The following PLIN3 variants were observed in gnomAD, a reference collection of about 807,000 sequenced individuals.
PLIN3 encodes the protein perilipin 3.
A neutral mutation model predicts 35.9 loss-of-function variants in PLIN3; 30 were observed. That is an observed-to-expected ratio of 0.84 (90% CI 0.62 to 1.13). PLIN3 has a LOEUF of 1.13. Ranked by LOEUF, PLIN3 falls within the 50% of genes most tolerant of loss-of-function variation. The probability of loss-of-function intolerance (pLI) is 0.00; values close to 1 mark genes in which losing one functional copy is unlikely to be tolerated. For missense variants in PLIN3, 603 were observed against 596.9 expected (o/e 1.01, Z -0.11); for synonymous variants, 261 against 262.5 (o/e 0.99, Z 0.06).
At position 4,845,112 on chromosome 19, in the gene PLIN3, T is replaced by C. The variant is rs140449259; in HGVS notation, c.835-319A>G. Among the ~76,000 whole-genome samples the C allele has an allele frequency of 3.2e-3, 486 of 152,234 alleles. 7 individuals carry two copies. The South Asian group carries it at 0.034, about 11-fold the overall frequency. On this transcript the variant is annotated intron_variant, in intron 6 of 7. Transcript: ENST00000221957. ...CTTTGGCCAATGGGACATGAGCAGATGGAACCAGCAAAGGCTTAAAAAGTG... is the reference window on the plus strand; with the variant it reads ...CTTTGGCCAATGGGACATGAGCAGACGGAACCAGCAAAGGCTTAAAAAGTG...
chr19:4,861,282 C>T (rs548082140), intron 2 of PLIN3, 47 bp downstream of exon 2: 24 of 1,548,814 alleles, frequency 1.5e-5, no homozygotes, highest in African/African-American at 9.5e-5. Flanking sequence ...CCTCCTTGCA[C>T]GGGAATCACA....
intron 6 of PLIN3, among the ~76,000 whole-genome samples, chr19:4,846,152 G>T (rs948321341): frequency 2.0e-5 from 3 of 151,840 alleles, no homozygotes; most frequent in Non-Finnish European, 4.4e-5. Flanking sequence ...CATGAACCCA[G>T]GAGGCGGAGC....
intron 6 of PLIN3, among the ~76,000 whole-genome samples, chr19:4,845,333 C>T (rs554849287): frequency 6.6e-6 from 1 of 151,618 alleles, no homozygotes; most frequent in African/African-American, 2.4e-5. Context: ...GGCTGAGGCA[C>T]GAGAATCGCT....
At chr19:4,855,465 C>A (rs540186096) in intron 4 of PLIN3, among the ~76,000 whole-genome samples, 1 of 152,142 alleles carries the variant, frequency 6.6e-6, no homozygotes, top group Non-Finnish European at 1.5e-5. Flanking sequence ...TCCATCCCCC[C>A]TCAGCCAAGC....
At position 4,855,940 on chromosome 19, in the gene PLIN3, A is replaced by AAAG. The variant is rs10650668; in HGVS notation, c.349-3640_349-3639insCTT. 3.9e-4 allele frequency among the ~76,000 whole-genome samples: 58 copies of AAAG among 148,218 alleles called. 1 individual carries two copies. The highest frequency in any genetic ancestry group is 3.5e-3 in the Middle Eastern group (1 of 288). On this transcript the variant is annotated intron_variant, in intron 4 of 7. Transcript: ENST00000221957. ...ACCTTGTCTCAAAAAAAAAAAAAAA[A>AAAG]TGCAAGTTGACAACCGCTCTGCTGT... is the stretch of plus-strand genomic sequence containing the variant.
In PLIN3 at chr19:4,862,948, G is replaced by A. The variant is rs965712607; in HGVS notation, c.-17-1537C>T. ...CCGAGGTGGGTGGAACACGAGGTCA[G>A]GAGTTCGAGTCCAGCCTGGCCAACA... On this transcript the variant is annotated intron_variant, in intron 1 of 7. Coordinates refer to ENST00000221957, the MANE Select transcript of PLIN3 (RefSeq NM_005817.5). 2.0e-5 allele frequency among the ~76,000 whole-genome samples: 3 copies of A among 151,784 alleles called. No homozygotes were observed. The South Asian group carries it at 6.3e-4, about 32-fold the overall frequency.
In PLIN3 at chr19:4,839,194, A is replaced by G. The variant is rs1275779451; in HGVS notation, c.1303T>C (p.Ter435GlnextTer31). 6.3e-7 allele frequency: 1 copy of G among 1,598,426 alleles called. No homozygotes were observed. Among genetic ancestry groups the G allele is most frequent in the South Asian group, 1.1e-5 (1 of 90,060 alleles). Residue 435 changes from the stop codon to glutamine, a stop_lost, in exon 8 of 8, where the codon TAG becomes CAG. Transcript: ENST00000221957. ...ITEKAPEEKK* is the reference protein window; with the variant it reads ...ITEKAPEEKKQ Reference sequence around the variant, plus strand: ...CCGCTGAGTCCTCTCCTCTCCCCCTACTTCTTCTCCTCCGGGGCTTTCTCA... The same window carrying G: ...CCGCTGAGTCCTCTCCTCTCCCCCTGCTTCTTCTCCTCCGGGGCTTTCTCA...
chr19:4,855,710 C>G (rs1336116403), intron 4 of PLIN3, among the ~76,000 whole-genome samples: 4 of 151,902 alleles, frequency 2.6e-5, no homozygotes, highest in Admixed American at 6.6e-5. Flanking sequence ...GCCTGGCTAG[C>G]CTGGGAGTTT....
chr19:4,852,174 T>C lies in PLIN3; in HGVS notation c.476A>G (p.Gln159Arg), dbSNP rs766798916. ...GGACTTTGTCTTGTCCACGCCGCTC[T>C]GCACAGCACCGCGGGTCGCGTCCAC... Reference protein sequence around the residue: ...EAVDATRGAVQSGVDKTKSVV... With the variant: ...EAVDATRGAVRSGVDKTKSVV... Residue 159 changes from glutamine (Q) to arginine (R), a missense_variant, in exon 5 of 8, where the codon CAG becomes CGG. By Grantham distance (43) the Gln-to-Arg change is conservative. Coordinates refer to ENST00000221957, the MANE Select transcript of PLIN3 (RefSeq NM_005817.5). 9 of 1,613,772 alleles carry C rather than the reference T, an allele frequency of 5.6e-6. No homozygotes were observed. In the East Asian group the frequency reaches 1.6e-4, roughly 28 times the overall value.
In PLIN3 at chr19:4,864,037, A is replaced by G. The variant is rs1599178087; in HGVS notation, c.-17-2626T>C. Among the ~76,000 whole-genome samples, 7 of 150,766 alleles carry G rather than the reference A, an allele frequency of 4.6e-5. No homozygotes were observed. In the South Asian group the frequency reaches 1.3e-3, roughly 27 times the overall value. ...AACCTCTGTCTCCTACGCTCAAGCAATTCTCCCACCTTGACCCTGCAAGTA... is the reference window on the plus strand; with the variant it reads ...AACCTCTGTCTCCTACGCTCAAGCAGTTCTCCCACCTTGACCCTGCAAGTA... On this transcript the variant is annotated intron_variant, in intron 1 of 7. Transcript: ENST00000221957.
In PLIN3 at chr19:4,861,359, G is replaced by C. The variant is rs138618022; in HGVS notation, c.36C>G (p.Thr12=). ...SADGAEADGS[T]QVTVEEPVQQ... ...GTACCGGTTCTTCCACTGTCACCTGGGTGCTGCCATCAGCCTCTGCCCCGT... is the reference window on the plus strand; with the variant it reads ...GTACCGGTTCTTCCACTGTCACCTGCGTGCTGCCATCAGCCTCTGCCCCGT... Residue 12 remains threonine, a synonymous_variant, in exon 2 of 8, where the codon ACC becomes ACG. Coordinates refer to ENST00000221957, the MANE Select transcript of PLIN3 (RefSeq NM_005817.5). 1.4e-4 allele frequency: 224 copies of C among 1,612,936 alleles called. No homozygotes were observed. Among genetic ancestry groups the C allele is most frequent in the Non-Finnish European group, 1.8e-4 (217 of 1,179,656 alleles).
At chr19:4,853,158 G>A (rs558213146) in intron 4 of PLIN3, among the ~76,000 whole-genome samples, 88 of 148,752 alleles carry the variant, frequency 5.9e-4, no homozygotes, top group Admixed American at 8.7e-4. Context: ...CTTTTGAGAT[G>A]GAGTCTCCCT....
chr19:4,854,222 T>C (rs2030397415), intron 4 of PLIN3, among the ~76,000 whole-genome samples: 2 of 152,038 alleles, frequency 1.3e-5, no homozygotes, highest in Admixed American at 6.6e-5. Flanking sequence ...CATGAGCCAC[T>C]GTGTCCAGCT....
rs749011669 is a variant in PLIN3 at position 4,852,316 on chromosome 19, A to G, written c.349-15T>C. 4.4e-6 allele frequency: 7 copies of G among 1,595,660 alleles called. No individual in the cohort carries two copies. The Admixed American group carries it at 1.2e-4, about 27-fold the overall frequency. ...TCCGCCAGGACCTAGGAGATGCAAC[A>G]GCATCAGCATCTCTGCCTTCCCTCC... is the stretch of plus-strand genomic sequence containing the variant. On this transcript the variant is annotated splice_polypyrimidine_tract_variant and intron_variant, in intron 4 of 7. Coordinates refer to ENST00000221957, the MANE Select transcript of PLIN3 (RefSeq NM_005817.5).
chr19:4,852,444 G>A lies in PLIN3; in HGVS notation c.349-143C>T, dbSNP rs1485184584. The stretch of plus-strand genomic sequence containing the variant: ...GCATCTCCGTCTTCCCTCTGTATGT[G>A]GGCACCCCTCCCCTGCACCCCAACT... On this transcript the variant is annotated intron_variant, in intron 4 of 7. Transcript: ENST00000221957. 9.0e-6 allele frequency: 9 copies of A among 1,003,278 alleles called. No homozygotes were observed. The South Asian group carries it at 1.3e-4, about 15-fold the overall frequency. The allele number at this position is 1,003,278 out of a possible 1,614,324, so 62.1% of individuals were successfully genotyped here. A position where few individuals can be genotyped will look rare whatever the true frequency, so the allele number is the denominator to read the frequency against.
Position 4,861,374 on chromosome 19 carries a change from C to T in PLIN3, c.21G>A (p.Glu7=). 2.5e-6 allele frequency: 4 copies of T among 1,613,184 alleles called. No individual in the cohort carries two copies. Among genetic ancestry groups the T allele is most frequent in the East Asian group, 2.2e-5 (1 of 44,844 alleles). The change falls in exon 2 of 8, where the codon GAG becomes GAA. Residue 7 remains glutamate, a synonymous_variant. Transcript: ENST00000221957. ...CTGTCACCTGGGTGCTGCCATCAGC[C>T]TCTGCCCCGTCGGCAGACATGGTCT... MSADGA[E]ADGSTQVTVE...
In PLIN3 at chr19:4,839,338, G is replaced by A. The variant is rs1357060319; in HGVS notation, c.1159C>T (p.Leu387=). 1 of 1,614,028 alleles carries A rather than the reference G, an allele frequency of 6.2e-7. No individual in the cohort carries two copies. The highest frequency in any genetic ancestry group is 1.6e-4 in the Middle Eastern group (1 of 6,062). ...HSFQDLSSSI[L]AQSRERVASA... The stretch of plus-strand genomic sequence containing the variant: ...GCGACACGCTCACGGCTCTGGGCCA[G>A]AATGCTGCTGGACAGGTCCTGGAAG... The change falls in exon 8 of 8, where the codon CTG becomes TTG. Residue 387 remains leucine, a synonymous_variant. Transcript: ENST00000221957.
intron 7 of PLIN3, among the ~76,000 whole-genome samples, chr19:4,840,716 C>T (rs757738312): frequency 6.6e-5 from 10 of 152,160 alleles, no homozygotes; most frequent in Non-Finnish European, 7.3e-5. Context: ...CTTTGGGAGG[C>T]CAAGGTGCGT....
chr19:4,853,483 GCCGA>G (rs2030372238), intron 4 of PLIN3, among the ~76,000 whole-genome samples: 1 of 151,602 alleles, frequency 6.6e-6, no homozygotes, highest in African/African-American at 2.4e-5. Flanking sequence ...ATGCCACCAT[GCCGA>G]GCCGATTTTT....
Sources: allele counts gnomAD v4.1 joint callset (sites outside exome capture counted in the v4.1 genomes callset), GRCh38; gene constraint gnomAD v4.1.1; transcripts MANE v1.5; gene names NCBI Gene and HGNC (gene_info 2026-07-23, HGNC 2026-07-21).